Variants in WAPL observed in about 807,000 individuals in gnomAD.
WAPL encodes the protein wings apart-like protein homolog.
Under a neutral mutation model 121.0 loss-of-function variants are expected in WAPL, and 5 were observed. The observed-to-expected ratio is 0.04, with a 90% CI of 0.02 to 0.09. The LOEUF is 0.09. Among genes scored for constraint, WAPL ranks in the 10% least tolerant of loss-of-function variants. The probability of loss-of-function intolerance (pLI) is 1.00; values close to 1 mark genes in which losing one functional copy is unlikely to be tolerated. For synonymous variants in WAPL, 480 were observed against 481.5 expected, an observed-to-expected ratio of 1.00 and a Z score of 0.04; for missense variants, 999 against 1,410.8, an observed-to-expected ratio of 0.71 and a Z score of 4.68.
At chr10:86,463,036 A>G (rs1841324260) in intron 9 of WAPL, among the ~76,000 whole-genome samples, 1 of 152,258 alleles carries the variant, frequency 6.6e-6, no homozygotes, top group Non-Finnish European at 1.5e-5. Context: ...TCAGTATACT[A>G]TAAGCTAGCA....
intron 4 of WAPL, among the ~76,000 whole-genome samples, chr10:86,496,468 T>G (rs576623736): frequency 6.6e-6 from 1 of 152,062 alleles, no homozygotes; most frequent in Admixed American, 6.6e-5. Flanking sequence ...AAGCAGAGAC[T>G]CAAACAGATG....
rs1841237212 is a variant in WAPL at position 86,460,172 on chromosome 10, A to AT, written c.2580+226_2580+227insA. Among the ~76,000 whole-genome samples, 3 of 152,324 alleles carry AT rather than the reference A, an allele frequency of 2.0e-5. No individual in the cohort carries two copies. The South Asian group carries it at 6.2e-4, about 32-fold the overall frequency. On this transcript the variant is annotated intron_variant, in intron 11 of 18. Coordinates refer to ENST00000298767, the MANE Select transcript of WAPL (RefSeq NM_015045.5). The stretch of plus-strand genomic sequence containing the variant: ...AAAGATTGGCATATGTAAACAAACA[A>AT]GCCTAACATTTCATTTGCAGCAATA...
chr10:86,484,891 G>A (rs968334938), intron 4 of WAPL, among the ~76,000 whole-genome samples: 12 of 152,238 alleles, frequency 7.9e-5, no homozygotes, highest in African/African-American at 1.9e-4. Flanking sequence ...CAATGAAATC[G>A]CCTAATGATG....
intron 2 of WAPL, among the ~76,000 whole-genome samples, chr10:86,507,739 A>G (rs1424423704): frequency 6.6e-6 from 1 of 151,486 alleles, no homozygotes; most frequent in Non-Finnish European, 1.5e-5. Flanking sequence ...TTTTAATCAC[A>G]ACCTACCAAC....
In WAPL at chr10:86,472,353, A is replaced by C. The variant is rs2132192972; in HGVS notation, c.1894-9T>G. ...TGAACAACAGTATATAACTGCCAAG[A>C]AAAAAAAAGTTCACCCCTTTTTAAC... On this transcript the variant is annotated splice_polypyrimidine_tract_variant and intron_variant, in intron 6 of 18. Coordinates refer to ENST00000298767, the MANE Select transcript of WAPL (RefSeq NM_015045.5). This position sits in a 1 kb window ranked among gnomAD's most constrained non-coding sequence, Gnocchi z 4.2. 1.9e-6 allele frequency: 3 copies of C among 1,576,464 alleles called. No individual in the cohort carries two copies. The highest frequency in any genetic ancestry group is 1.4e-5 in the African/African-American group (1 of 72,338).
chr10:86,458,565 CACAAATGAT>C (rs1841202945), intron 12 of WAPL, among the ~76,000 whole-genome samples: 2 of 152,102 alleles, frequency 1.3e-5, no homozygotes, highest in Admixed American at 6.6e-5. Flanking sequence ...TAATATGTAT[CACAAATGAT>C]ACAAAAGATA....
chr10:86,443,253 C>T (rs749990585), intron 17 of WAPL, 22 bp downstream of exon 17: 3 of 1,562,498 alleles, frequency 1.9e-6, no homozygotes, highest in South Asian at 1.1e-5. Context: ...ATACATAAAA[C>T]ATCACTGAAC....
rs1258504666 is a variant in WAPL at position 86,435,270 on chromosome 10, C to T, written c.*2273G>A. Reference sequence around the variant, plus strand: ...AAGACAACATGTGTATTGAAAGTAGCAATTTTATTTGAGTTAAAATTATTT... The same window carrying T: ...AAGACAACATGTGTATTGAAAGTAGTAATTTTATTTGAGTTAAAATTATTT... On this transcript the variant is annotated 3_prime_UTR_variant, in exon 19 of 19. Transcript: ENST00000298767. 1 of 152,580 alleles carries T rather than the reference C, an allele frequency of 6.6e-6. No homozygotes were observed. The highest frequency in any genetic ancestry group is 2.4e-5 in the African/African-American group (1 of 41,450). 9.5% of individuals were successfully genotyped at this position (152,580 alleles called of 1,614,324 possible).
chr10:86,446,178 T>C (rs1314958372), intron 16 of WAPL, 64 bp downstream of exon 16: 16 of 1,572,406 alleles, frequency 1.0e-5, no homozygotes, highest in South Asian at 7.9e-5. Context: ...TAAAATAGTT[T>C]GAAGAAAAAA....
In WAPL at chr10:86,437,790, T is replaced by C. The variant is rs572844115; in HGVS notation, c.3507+130A>G. 1,284 of 960,164 alleles carry C rather than the reference T, an allele frequency of 1.3e-3. 3 individuals are homozygous for C. Among genetic ancestry groups the C allele is most frequent in the Non-Finnish European group, 1.9e-3 (1,206 of 649,670 alleles). 59.5% of individuals were successfully genotyped at this position (960,164 alleles called of 1,614,324 possible). On this transcript the variant is annotated intron_variant, in intron 18 of 18. Transcript: ENST00000298767. ...ACATGCAATGATTACCTTGAAGAAA[T>C]AGAACACGATTATTAAAATTAAAAG... is the stretch of plus-strand genomic sequence containing the variant.
chr10:86,469,339 G>A (rs142590480), intron 8 of WAPL, among the ~76,000 whole-genome samples: 10,960 of 134,688 alleles, frequency 0.081, 445 homozygotes, highest in Middle Eastern at 0.18. Flanking sequence ...TGCAACCTCC[G>A]CCTCCCAGGT....
chr10:86,468,301 A>G (rs1841449129), intron 8 of WAPL, among the ~76,000 whole-genome samples: 1 of 151,736 alleles, frequency 6.6e-6, no homozygotes, highest in Admixed American at 6.6e-5. Flanking sequence ...GACTCAAGCA[A>G]TCCTCCCCAC....
At position 86,517,921 on chromosome 10, in the gene WAPL, T is replaced by C. The variant is rs780610142; in HGVS notation, c.149A>G (p.Asn50Ser). Reference protein sequence around the residue: ...FMAKLGQKRPNFKPDIQEIPK... With the variant: ...FMAKLGQKRPSFKPDIQEIPK... ...AATTTCTTGGATATCTGGTTTGAAATTGGGCCTCTTCTGCCCTAATTTAGC... is the reference window on the plus strand; with the variant it reads ...AATTTCTTGGATATCTGGTTTGAAACTGGGCCTCTTCTGCCCTAATTTAGC... The change falls in exon 2 of 19, where the codon AAT becomes AGT. Residue 50 changes from asparagine (N) to serine (S), a missense_variant. Around this residue, in one of 7 missense-constraint regions of WAPL, gnomAD observed 531 missense variants for 563.1 expected, o/e 0.94. Coordinates refer to ENST00000298767, the MANE Select transcript of WAPL (RefSeq NM_015045.5). 5 of 1,614,084 alleles carry C rather than the reference T, an allele frequency of 3.1e-6. No individual in the cohort carries two copies. Among genetic ancestry groups the C allele is most frequent in the East Asian group, 4.5e-5 (2 of 44,886 alleles).
intron 11 of WAPL, 80 bp from the exon 12 acceptor site, chr10:86,459,145 G>T (rs546168040): frequency 8.9e-7 from 1 of 1,123,532 alleles, no homozygotes; most frequent in Non-Finnish European, 1.3e-6. Context: ...TGCCTGGTGC[G>T]TAAAAGATAC....
At chr10:86,470,936 A>G in intron 8 of WAPL, 56 bp downstream of exon 8, 1 of 1,401,736 alleles carries the variant, frequency 7.1e-7, no homozygotes, top group South Asian at 1.3e-5. Context: ...TTGATAGCCA[A>G]ATAGACTAGT....
In WAPL at chr10:86,517,775, C is replaced by G. The variant is rs757231848; in HGVS notation, c.295G>C (p.Glu99Gln). Residue 99 changes from glutamate to glutamine, a missense_variant, in exon 2 of 19, where the codon GAA becomes CAA. Physicochemically the swap from Glu to Gln is conservative, Grantham distance 29. Transcript: ENST00000298767. The stretch of plus-strand genomic sequence containing the variant: ...TCCAACTGAGCAGCTTCACTAGATT[C>G]TGAATAAGAGGAACACTTAACCTGG... ...LAQVKCSSYS[E>Q]SSEAAQLEEV... The G allele has an allele frequency of 5.6e-6, 9 of 1,614,058 alleles. No homozygotes were observed. The highest frequency in any genetic ancestry group is 5.5e-5 in the South Asian group (5 of 91,090).
chr10:86,451,533 C>G (rs1362224745), intron 15 of WAPL, among the ~76,000 whole-genome samples: 1 of 151,988 alleles, frequency 6.6e-6, no homozygotes, highest in Non-Finnish European at 1.5e-5. Context: ...GCTGGGATTA[C>G]AGGTGCATGC....
At chr10:86,478,432 C>CA (rs967274281) in intron 4 of WAPL, among the ~76,000 whole-genome samples, 16 of 147,152 alleles carry the variant, frequency 1.1e-4, no homozygotes, top group South Asian at 2.2e-4. Flanking sequence ...ATCCTGTCTC[C>CA]AAAAAAAAAG....
chr10:86,452,793 A>G (rs1013339707), intron 14 of WAPL, among the ~76,000 whole-genome samples: 2 of 151,298 alleles, frequency 1.3e-5, no homozygotes, highest in Non-Finnish European at 2.9e-5. Flanking sequence ...TAATCCCACC[A>G]CTTTGGGAGG....
Sources: gnomAD v4.1 joint callset for allele counts (sites outside exome capture counted in the v4.1 genomes callset) on GRCh38, gnomAD v4.1.1 for gene constraint, gnomAD v4.1.1 regional missense constraint, Gnocchi (gnomAD v3.1) non-coding constraint, MANE v1.5 for transcripts, NCBI Gene and HGNC (gene_info 2026-07-23, HGNC 2026-07-21) for gene names.